Variants in IL7 observed in about 807,000 individuals in gnomAD.
IL7 encodes interleukin 7, also known as interleukin-7.
Under a neutral mutation model 21.6 loss-of-function variants are expected in IL7, and 3 were observed. The observed-to-expected ratio is 0.14, with a 90% CI of 0.06 to 0.36. IL7 has a LOEUF of 0.36. Among genes scored for constraint, IL7 ranks in the 10% least tolerant of loss-of-function variants. The probability of loss-of-function intolerance (pLI) is 1.00; values close to 1 mark genes in which losing one functional copy is unlikely to be tolerated. For missense variants in IL7, 175 were observed against 200.2 expected (o/e 0.87, Z 0.76); for synonymous variants, 62 against 68.1 (o/e 0.91, Z 0.44).
At chr8:78,795,331 C>T (rs943458519) in intron 2 of IL7, among the ~76,000 whole-genome samples, 19 of 152,092 alleles carry the variant, frequency 1.2e-4, no homozygotes, top group Admixed American at 1.1e-3. Flanking sequence ...TTTCTTTCTC[C>T]TTCCCTCAAA....
intron 5 of IL7, among the ~76,000 whole-genome samples, chr8:78,720,411 AT>A (rs1811216505): frequency 6.6e-6 from 1 of 151,716 alleles, no homozygotes; most frequent in Non-Finnish European, 1.5e-5. Flanking sequence ...CACAATTTTT[AT>A]TTTCATTTAG....
At chr8:78,800,681 T>C (rs962148639) in intron 1 of IL7, among the ~76,000 whole-genome samples, 5 of 152,202 alleles carry the variant, frequency 3.3e-5, no homozygotes, top group Non-Finnish European at 7.3e-5. Flanking sequence ...TCTGACCTTG[T>C]AATCAGATTT....
chr8:78,738,459 G>A (rs772514586), intron 4 of IL7, 45 bp downstream of exon 4: 2 of 1,528,570 alleles, frequency 1.3e-6, no homozygotes, highest in Admixed American at 3.5e-5. Flanking sequence ...TCTTGGCACA[G>A]GAGTATTTAA....
At chr8:78,710,427 C>T (rs1192151044) in intron 3 of IL7, among the ~76,000 whole-genome samples, 1 of 151,930 alleles carries the variant, frequency 6.6e-6, no homozygotes, top group Non-Finnish European at 1.5e-5. Context: ...GTAATGTTTC[C>T]ATTGGATAAT....
downstream of IL7, among the ~76,000 whole-genome samples, chr8:78,716,285 G>T (rs1340020330): frequency 1.3e-5 from 2 of 151,336 alleles, no homozygotes; most frequent in Non-Finnish European, 2.9e-5. Flanking sequence ...ACCACGCCTG[G>T]CTAATTTTTT....
chr8:78,756,593 T>G (rs1024137758), intron 2 of IL7, among the ~76,000 whole-genome samples: 1 of 151,930 alleles, frequency 6.6e-6, no homozygotes, highest in Non-Finnish European at 1.5e-5. Context: ...GGTTTTCCAA[T>G]TTGTTAGTGT....
At chr8:78,705,245 T>C (rs949256673) in intron 3 of IL7, among the ~76,000 whole-genome samples, 1 of 152,258 alleles carries the variant, frequency 6.6e-6, no homozygotes, top group African/African-American at 2.4e-5. Flanking sequence ...TTTCTCATCT[T>C]TGTGAGCTTA....
At chr8:78,750,846 C>A (rs1812144997) in intron 2 of IL7, among the ~76,000 whole-genome samples, 1 of 151,828 alleles carries the variant, frequency 6.6e-6, no homozygotes, top group African/African-American at 2.4e-5. Context: ...TAAATAAAGT[C>A]TATGATTAAT....
chr8:78,722,934 T>A (rs1811267876), intron 3 of IL7, among the ~76,000 whole-genome samples: 1 of 151,602 alleles, frequency 6.6e-6, no homozygotes, highest in Admixed American at 6.6e-5. Flanking sequence ...ATAAATTTGA[T>A]AAGGCACTTT....
At chr8:78,686,939 T>A (rs1809998770) in intron 3 of IL7, among the ~76,000 whole-genome samples, 2 of 152,290 alleles carry the variant, frequency 1.3e-5, no homozygotes, top group South Asian at 4.1e-4. Flanking sequence ...AATGTAGTCA[T>A]TCAGCAGGAG....
In IL7 at chr8:78,687,340, GT is replaced by G. The variant is rs202016610; in HGVS notation, n.215-1394del. ...TTCTTTAGCAAATCTAGATATGATCGTTTTTGACATTTTATTGTAGAGGAGA... is the reference window on the plus strand; with the variant it reads ...TTCTTTAGCAAATCTAGATATGATCGTTTTGACATTTTATTGTAGAGGAGA... On this transcript the variant is annotated intron_variant and non_coding_transcript_variant, in intron 3 of 4. Transcript: ENST00000523959. 3.4e-3 allele frequency among the ~76,000 whole-genome samples: 512 copies of G among 151,116 alleles called. 4 individuals are homozygous for G. Among genetic ancestry groups the G allele is most frequent in the African/African-American group, 0.012 (479 of 41,248 alleles).
intron 1 of IL7, 48 bp downstream of exon 1, chr8:78,804,865 C>T (rs762511162): frequency 3.1e-6 from 5 of 1,610,592 alleles, no homozygotes; most frequent in South Asian, 1.1e-5. Context: ...GGGATTGCCC[C>T]GGCGCGTCGG....
chr8:78,676,534 A>G (rs1234493366), intron 4 of IL7, among the ~76,000 whole-genome samples: 1 of 152,148 alleles, frequency 6.6e-6, no homozygotes, highest in East Asian at 1.9e-4. Context: ...AAACACAAAT[A>G]CACATTTATT....
rs181060100 is a variant in IL7, at chr8:78,739,569, G to A, written c.228+433C>T. On this transcript the variant is annotated intron_variant, in intron 3 of 5. Transcript: ENST00000263851. The stretch of plus-strand genomic sequence containing the variant: ...TAGTTGGGTGTGGTGGTGCATGCCT[G>A]TAGACCCAGTTACTCGGGAGACTGA... 9.2e-5 allele frequency among the ~76,000 whole-genome samples: 14 copies of A among 152,116 alleles called. No individual in the cohort carries two copies. In the East Asian group the frequency reaches 2.7e-3, roughly 29 times the overall value.
intron 2 of IL7, among the ~76,000 whole-genome samples, chr8:78,759,216 CTT>C (rs3071074): frequency 6.9e-4 from 91 of 131,910 alleles, no homozygotes; most frequent in Admixed American, 1.4e-3. Flanking sequence ...CTGCTGGGTT[CTT>C]TTTTTTTTTT....
Position 78,733,737 on chromosome 8 carries a change from A to C in IL7, c.510T>G (p.Ile170Met). 1.9e-6 allele frequency: 3 copies of C among 1,601,006 alleles called. No individual in the cohort carries two copies. The highest frequency in any genetic ancestry group is 2.6e-6 in the Non-Finnish European group (3 of 1,175,718). The change falls in exon 6 of 6, where the codon ATT becomes ATG. Residue 170 changes from isoleucine (I) to methionine (M), a missense_variant. Transcript: ENST00000263851. ...TTCAGTGTTCTTTAGTGCCCATCAA[A>C]ATTTTATTCCAACAAGTTTTTATCT... ...LQEIKTCWNK[I>M]LMGTKEH
At chr8:78,742,033 G>A (rs1811800954) in intron 2 of IL7, among the ~76,000 whole-genome samples, 1 of 152,088 alleles carries the variant, frequency 6.6e-6, no homozygotes, top group Non-Finnish European at 1.5e-5. Context: ...ACAAATCACA[G>A]CTAGGCATGG....
intron 3 of IL7, among the ~76,000 whole-genome samples, chr8:78,709,374 G>T (rs1347535159): frequency 6.6e-6 from 1 of 152,150 alleles, no homozygotes; most frequent in Non-Finnish European, 1.5e-5. Context: ...CTTTTGATGT[G>T]TGTGAAATGA....
intron 4 of IL7, among the ~76,000 whole-genome samples, chr8:78,679,682 T>C (rs989125416): frequency 6.6e-6 from 1 of 152,120 alleles, no homozygotes; most frequent in African/African-American, 2.4e-5. Flanking sequence ...AAGTACCTGA[T>C]TGAATAGGTT....
Sources: allele counts gnomAD v4.1 joint callset (sites outside exome capture counted in the v4.1 genomes callset), GRCh38; gene constraint gnomAD v4.1.1; transcripts MANE v1.5; gene names NCBI Gene and HGNC (gene_info 2026-07-23, HGNC 2026-07-21).